The following BCL9 variants were observed in gnomAD, a reference collection of about 807,000 sequenced individuals.
BCL9 encodes BCL9 transcription coactivator, also known as B-cell CLL/lymphoma 9 protein.
Under a neutral mutation model 88.5 loss-of-function variants are expected in BCL9, and 25 were observed. That is an observed-to-expected ratio of 0.28 (90% CI 0.21 to 0.39). BCL9 has a LOEUF of 0.39. Ranked by LOEUF, BCL9 falls within the 10% of genes least tolerant of loss-of-function variation. The probability of loss-of-function intolerance (pLI) is 1.00; values close to 1 mark genes in which losing one functional copy is unlikely to be tolerated. For missense variants in BCL9, 1,817 were observed against 1,877.8 expected (o/e 0.97, Z 0.60); for synonymous variants, 711 against 673.3 (o/e 1.06, Z -0.87).
At chr1:147,605,722 G>C (rs1002562495) in intron 2 of BCL9, among the ~76,000 whole-genome samples, 2 of 152,148 alleles carry the variant, frequency 1.3e-5, no homozygotes, top group Non-Finnish European at 2.9e-5. Flanking sequence ...TTTTCTGAGA[G>C]GAAGCCTTTT....
chr1:147,559,509 A>G (rs1380244352), intron 1 of BCL9, among the ~76,000 whole-genome samples: 3 of 152,210 alleles, frequency 2.0e-5, no homozygotes, highest in Non-Finnish European at 4.4e-5. Flanking sequence ...TAGGTGAAGC[A>G]TTTTGCACAG....
At chr1:147,621,654 T>A (rs1164124242) in intron 8 of BCL9, among the ~76,000 whole-genome samples, 1 of 152,134 alleles carries the variant, frequency 6.6e-6, no homozygotes, top group Non-Finnish European at 1.5e-5. Context: ...AGTGCCAAGG[T>A]GTAAATACTA....
Position 147,612,901 on chromosome 1 carries a change from G to A in BCL9, c.72G>A (p.Gln24=). ...GNTQSSPKSK[Q]EVMVRPPTVM... ...CTTTTAGTAGCCCTAAGTCAAAGCA[G>A]GAGGTGATGGTCCGTCCCCCTACAG... The change falls in exon 5 of 10, where the codon CAG becomes CAA. Residue 24 remains glutamine, a synonymous_variant. Transcript: ENST00000234739. The A allele has an allele frequency of 6.2e-7, 1 of 1,613,914 alleles. No homozygotes were observed.
intron 1 of BCL9, among the ~76,000 whole-genome samples, chr1:147,572,868 CT>C (rs1655946526): frequency 6.6e-6 from 1 of 152,250 alleles, no homozygotes; most frequent in African/African-American, 2.4e-5. Flanking sequence ...GCGTGAGCCG[CT>C]ACACATGGCC....
intron 8 of BCL9, among the ~76,000 whole-genome samples, chr1:147,621,519 A>G (rs1385462956): frequency 6.6e-6 from 1 of 152,012 alleles, no homozygotes; most frequent in Non-Finnish European, 1.5e-5. Flanking sequence ...CAGTTCCAAA[A>G]TCTTCTCCTT....
chr1:147,580,229 A>T (rs1343437182), intron 1 of BCL9, among the ~76,000 whole-genome samples: 1 of 152,222 alleles, frequency 6.6e-6, no homozygotes, highest in Non-Finnish European at 1.5e-5. Context: ...TGTGTGCTAG[A>T]GAAGCTTTCC....
chr1:147,542,150 G>C (rs1265834048), intron 1 of BCL9, among the ~76,000 whole-genome samples: 1 of 152,166 alleles, frequency 6.6e-6, no homozygotes, highest in African/African-American at 2.4e-5. Flanking sequence ...CAGTGTGCCC[G>C]TGGGTCTGTG....
At chr1:147,558,655 T>C (rs1655229442) in intron 1 of BCL9, among the ~76,000 whole-genome samples, 1 of 152,154 alleles carries the variant, frequency 6.6e-6, no homozygotes, top group Admixed American at 6.5e-5. Flanking sequence ...CCTTCCTGTA[T>C]TTGAAAACAG....
Position 147,615,922 on chromosome 1 carries a change from G to C in BCL9, c.660+20G>C. The C allele has an allele frequency of 6.3e-7, 1 of 1,584,644 alleles. No individual in the cohort carries two copies. Among genetic ancestry groups the C allele is most frequent in the Non-Finnish European group, 8.7e-7 (1 of 1,153,778 alleles). ...CCTCTGGTATGTTGTTTCAGAAACT[G>C]AGTAATGGTTTAATGATTCTACAGT... On this transcript the variant is annotated intron_variant, in intron 7 of 9. Transcript: ENST00000234739.
chr1:147,590,459 T>TTCTTCTC lies in BCL9; in HGVS notation c.-477-14304_-477-14298dup, dbSNP rs1204278008. 7.2e-5 allele frequency among the ~76,000 whole-genome samples: 11 copies of TTCTTCTC among 152,326 alleles called. No individual in the cohort carries two copies. In the East Asian group the frequency reaches 1.7e-3, roughly 24 times the overall value. On this transcript the variant is annotated intron_variant, in intron 1 of 9. Coordinates refer to ENST00000234739, the MANE Select transcript of BCL9 (RefSeq NM_004326.4). ...GCCGTTTTCTGGCTTCTCTCCTGGC[T>TTCTTCTC]TCTTCTCTCTTCTCTCTTCTTCTGC... is the stretch of plus-strand genomic sequence containing the variant.
intron 1 of BCL9, among the ~76,000 whole-genome samples, chr1:147,548,329 A>G (rs1360146068): frequency 6.6e-6 from 1 of 152,196 alleles, no homozygotes; most frequent in Non-Finnish European, 1.5e-5. Context: ...TAAGGCAACC[A>G]TAGTCTAAAG....
chr1:147,583,695 G>A (rs1656472062), intron 1 of BCL9, among the ~76,000 whole-genome samples: 1 of 151,838 alleles, frequency 6.6e-6, no homozygotes, highest in Non-Finnish European at 1.5e-5. Context: ...GCTCACACCT[G>A]TAATCCCAGC....
At chr1:147,548,997 G>A (rs1328838944) in intron 1 of BCL9, among the ~76,000 whole-genome samples, 1 of 19,190 alleles carries the variant, frequency 5.2e-5, no homozygotes. Flanking sequence ...TTTTTTTTTT[G>A]ACTGAGTTTT....
intron 1 of BCL9, among the ~76,000 whole-genome samples, chr1:147,576,597 T>C (rs1553198120): frequency 6.6e-6 from 1 of 152,230 alleles, no homozygotes; most frequent in African/African-American, 2.4e-5. Flanking sequence ...GGAGAAATGC[T>C]GCTTGACTTA....
intron 1 of BCL9, among the ~76,000 whole-genome samples, chr1:147,599,876 T>A (rs1377540432): frequency 9.2e-6 from 1 of 108,694 alleles, no homozygotes; most frequent in Non-Finnish European, 1.9e-5. Context: ...CGCGCGCGTC[T>A]GGGGAGGGGG....
At chr1:147,548,477 T>G (rs1654721414) in intron 1 of BCL9, among the ~76,000 whole-genome samples, 1 of 152,212 alleles carries the variant, frequency 6.6e-6, no homozygotes, top group Non-Finnish European at 1.5e-5. Context: ...GGAAGTTTCC[T>G]GGACCCAAAC....
At chr1:147,589,154 C>T (rs12096043) in intron 1 of BCL9, among the ~76,000 whole-genome samples, 13,691 of 152,176 alleles carry the variant, frequency 0.09, 1,723 homozygotes, top group African/African-American at 0.29. Context: ...TTCCTTTTCT[C>T]TTGCATATGT....
At chr1:147,600,393 GC>G (rs1475520942) in intron 1 of BCL9, 1 of 151,864 alleles carries the variant, frequency 6.6e-6, no homozygotes, top group Non-Finnish European at 1.5e-5. Flanking sequence ...GGTAGTGGGG[GC>G]CAGGTCCGCG....
intron 1 of BCL9, among the ~76,000 whole-genome samples, chr1:147,560,141 T>C (rs1215757369): frequency 2.0e-5 from 3 of 152,124 alleles, no homozygotes; most frequent in Admixed American, 6.5e-5. Flanking sequence ...GCTATCAAGC[T>C]TGTTGGTAGG....
Sources: allele counts gnomAD v4.1 joint callset (sites outside exome capture counted in the v4.1 genomes callset), GRCh38; gene constraint gnomAD v4.1.1; transcripts MANE v1.5; gene names NCBI Gene and HGNC (gene_info 2026-07-23, HGNC 2026-07-21).